Variants in ACSBG2 observed in about 807,000 individuals in gnomAD.
ACSBG2 encodes the protein long-chain-fatty-acid--CoA ligase ACSBG2.
In ACSBG2, 62 loss-of-function variants were observed where a neutral mutation model predicts 74.7. The observed-to-expected ratio is 0.83, with a 90% CI of 0.68 to 1.03. The LOEUF (loss-of-function observed/expected upper bound fraction) is 1.03, where lower values mean the gene tolerates loss of function less well. Among genes scored for constraint, ACSBG2 ranks in the 50% least tolerant of loss-of-function variants. The pLI is 0.00. For synonymous variants in ACSBG2, 309 were observed against 294.1 expected (o/e 1.05, Z -0.52); for missense variants, 730 against 817.6 (o/e 0.89, Z 1.31).
chr19:6,181,520 T>C (rs1328001700), intron 8 of ACSBG2, among the ~76,000 whole-genome samples: 1 of 152,220 alleles, frequency 6.6e-6, no homozygotes, highest in African/African-American at 2.4e-5. Flanking sequence ...GGCTTGTTGT[T>C]TCCTCAATAA....
intron 7 of ACSBG2, among the ~76,000 whole-genome samples, chr19:6,173,817 T>G (rs2090025156): frequency 6.6e-6 from 1 of 152,198 alleles, no homozygotes; most frequent in Non-Finnish European, 1.5e-5. Flanking sequence ...CACAAGGCTT[T>G]CCACAATAGG....
At chr19:6,187,241 G>A (rs368145573) in intron 11 of ACSBG2, 42 bp from the exon 12 acceptor site, 18 of 1,611,486 alleles carry the variant, frequency 1.1e-5, no homozygotes, top group African/African-American at 1.3e-5. Context: ...GGGGTTCCAC[G>A]TTGTCATGGC....
At chr19:6,137,168 C>T (rs1028141321) in intron 1 of ACSBG2, 1 of 140,772 alleles carries the variant, frequency 7.1e-6, no homozygotes, top group Admixed American at 7.6e-5. Flanking sequence ...GTGGCTCACA[C>T]CTGCAAATCC....
chr19:6,156,680 C>T (rs2089433455), intron 5 of ACSBG2, 129 bp downstream of exon 5: 9 of 976,702 alleles, frequency 9.2e-6, no homozygotes, highest in Non-Finnish European at 1.1e-5. Flanking sequence ...AGCGAGTCCT[C>T]CATGACCTCA....
chr19:6,179,926 A>G (rs2090197652), intron 8 of ACSBG2, among the ~76,000 whole-genome samples: 1 of 152,064 alleles, frequency 6.6e-6, no homozygotes, highest in African/African-American at 2.4e-5. Context: ...TTATTATCTT[A>G]TAGTTCTGGT....
intron 11 of ACSBG2, among the ~76,000 whole-genome samples, 159 bp from the exon 12 acceptor site, chr19:6,187,124 C>A (rs1316701803): frequency 6.6e-6 from 1 of 151,552 alleles, no homozygotes; most frequent in East Asian, 1.9e-4. Flanking sequence ...CCTGCCTCAA[C>A]CTCCCGAGTA....
chr19:6,176,981 C>A (rs2090104477), intron 7 of ACSBG2, among the ~76,000 whole-genome samples: 1 of 151,596 alleles, frequency 6.6e-6, no homozygotes, highest in Non-Finnish European at 1.5e-5. Context: ...CATAGTGAGA[C>A]CCCCTCTCTA....
Position 6,176,290 on chromosome 19 carries a change from C to T in ACSBG2, c.739-939C>T, listed in dbSNP as rs187067041. 216 of 1,363,096 alleles carry T rather than the reference C, an allele frequency of 1.6e-4. 2 individuals carry two copies. The African/African-American group carries it at 2.7e-3, about 17-fold the overall frequency. The allele number at this position is 1,363,096 out of a possible 1,614,324, so 84.4% of individuals were successfully genotyped here. ...CTCGATCTTACCTTGAGAGCATCTG[C>T]TTGAGCAAAGTATGTGAGCGCCCCA... is the stretch of plus-strand genomic sequence containing the variant. On this transcript the variant is annotated intron_variant, in intron 7 of 14. Coordinates refer to ENST00000588485, the MANE Select transcript of ACSBG2 (RefSeq NM_030924.5).
intron 14 of ACSBG2, chr19:6,191,783 C>T (rs1387593248): frequency 6.6e-6 from 1 of 152,112 alleles, no homozygotes; most frequent in East Asian, 1.9e-4. Context: ...ATCCATTGTC[C>T]TTTGTTCAAC....
intron 5 of ACSBG2, among the ~76,000 whole-genome samples, chr19:6,157,556 C>T (rs2089466716): frequency 6.6e-6 from 1 of 152,038 alleles, no homozygotes; most frequent in South Asian, 2.1e-4. Flanking sequence ...GAGAGAGACC[C>T]TGTCTCAAAA....
At chr19:6,144,674 T>G (rs866550707) in intron 2 of ACSBG2, among the ~76,000 whole-genome samples, 12 of 151,752 alleles carry the variant, frequency 7.9e-5, no homozygotes, top group African/African-American at 1.9e-4. Flanking sequence ...CCAGTGTCTG[T>G]TTTTTTTGTT....
At position 6,168,847 on chromosome 19, in the gene ACSBG2, C is replaced by T. The variant is rs7251281; in HGVS notation, c.738+2832C>T. Among the ~76,000 whole-genome samples, 781 of 152,176 alleles carry T rather than the reference C, an allele frequency of 5.1e-3. 4 individuals carry two copies. Among genetic ancestry groups the T allele is most frequent in the African/African-American group, 0.012 (494 of 41,532 alleles). On this transcript the variant is annotated intron_variant, in intron 7 of 14. Coordinates refer to ENST00000588485, the MANE Select transcript of ACSBG2 (RefSeq NM_030924.5). ...AGGCTGGAGTACAGTGACACTATCGCGGCACACTGCAATGTCCACCTCCCA... is the reference window on the plus strand; with the variant it reads ...AGGCTGGAGTACAGTGACACTATCGTGGCACACTGCAATGTCCACCTCCCA...
chr19:6,188,438 T>C (rs1399804332), intron 13 of ACSBG2, among the ~76,000 whole-genome samples: 1 of 152,126 alleles, frequency 6.6e-6, no homozygotes, highest in Non-Finnish European at 1.5e-5. Context: ...CCCAGGAGTT[T>C]GAGACCAACC....
Position 6,156,929 on chromosome 19 carries a change from G to A in ACSBG2, c.507+378G>A, listed in dbSNP as rs938950816. Among the ~76,000 whole-genome samples the A allele has an allele frequency of 1.9e-4, 28 of 151,312 alleles. 1 individual carries two copies. The highest frequency in any genetic ancestry group is 4.2e-4 in the South Asian group (2 of 4,806). On this transcript the variant is annotated intron_variant, in intron 5 of 14. Coordinates refer to ENST00000588485, the MANE Select transcript of ACSBG2 (RefSeq NM_030924.5). Reference sequence around the variant, plus strand: ...CCTCCAAGTAGCTGGGACTACGAGCGTGTACCACCATGTCAGGCTAACTTT... The same window carrying A: ...CCTCCAAGTAGCTGGGACTACGAGCATGTACCACCATGTCAGGCTAACTTT...
Position 6,192,951 on chromosome 19 carries a change from T to A in ACSBG2, c.*319T>A, listed in dbSNP as rs375424017. The A allele has an allele frequency of 6.6e-6, 1 of 152,186 alleles. No homozygotes were observed. The highest frequency in any genetic ancestry group is 1.9e-4 in the East Asian group (1 of 5,196). 9.4% of individuals were successfully genotyped at this position (152,186 alleles called of 1,614,324 possible). A position where few individuals can be genotyped will look rare whatever the true frequency, so the allele number is the denominator to read the frequency against. ...CTGAACTTGTGGGCTCCCATTTGAT[T>A]TTTTTCTCCTCAGGGGACTCAGACA... is the stretch of plus-strand genomic sequence containing the variant. On this transcript the variant is annotated 3_prime_UTR_variant, in exon 15 of 15. Coordinates refer to ENST00000588485, the MANE Select transcript of ACSBG2 (RefSeq NM_030924.5).
intron 6 of ACSBG2, among the ~76,000 whole-genome samples, chr19:6,163,245 A>C (rs371263179): frequency 0.14 from 7,245 of 52,156 alleles, 972 homozygotes; most frequent in Admixed American, 0.2. Context: ...GTCAGGAGGT[A>C]CAGACCATCC....
chr19:6,192,122 T>C (rs1027738735), intron 14 of ACSBG2: 1 of 149,582 alleles, frequency 6.7e-6, no homozygotes, highest in African/African-American at 2.5e-5. Context: ...CTCATCAGTA[T>C]TTTAAAATTT....
intron 7 of ACSBG2, chr19:6,176,441 G>A (rs2090091053): frequency 7.1e-7 from 1 of 1,400,814 alleles, no homozygotes; most frequent in Non-Finnish European, 9.7e-7. Flanking sequence ...CCATCCACGT[G>A]ATCTGTAACA....
At chr19:6,163,837 C>G (rs1486490387) in intron 6 of ACSBG2, among the ~76,000 whole-genome samples, 1 of 143,762 alleles carries the variant, frequency 7.0e-6, no homozygotes, top group African/African-American at 2.6e-5. Flanking sequence ...GTCCAAGCTA[C>G]TCGGGAGGCT....
Sources: allele counts gnomAD v4.1 joint callset (sites outside exome capture counted in the v4.1 genomes callset), GRCh38; gene constraint gnomAD v4.1.1; transcripts MANE v1.5; gene names NCBI Gene and HGNC (gene_info 2026-07-23, HGNC 2026-07-21).